PTPN14: variants seen among roughly 807,000 people sequenced by gnomAD.
PTPN14 encodes protein tyrosine phosphatase non-receptor type 14.
In PTPN14, 53 loss-of-function variants were observed where a neutral mutation model predicts 126.8. The observed-to-expected ratio is 0.42, with a 90% CI of 0.34 to 0.53. The LOEUF (loss-of-function observed/expected upper bound fraction) is 0.53. Among genes scored for constraint, PTPN14 ranks in the 20% least tolerant of loss-of-function variants. The pLI is 0.08. For synonymous variants in PTPN14, 630 were observed against 599.3 expected, an observed-to-expected ratio of 1.05 and a Z score of -0.75; for missense variants, 1,257 against 1,552.9, an observed-to-expected ratio of 0.81 and a Z score of 3.20.
At chr1:214,444,125 TG>T (rs1038956981) in intron 3 of PTPN14, among the ~76,000 whole-genome samples, 1 of 152,238 alleles carries the variant, frequency 6.6e-6, no homozygotes, top group Non-Finnish European at 1.5e-5. Flanking sequence ...TATCTCATTT[TG>T]GGAAGGTAAT....
chr1:214,392,845 G>C (rs1436120097), intron 10 of PTPN14, among the ~76,000 whole-genome samples: 1 of 152,172 alleles, frequency 6.6e-6, no homozygotes, highest in African/African-American at 2.4e-5. Context: ...CAGCTATAAA[G>C]CAGCCGCGTT....
At position 214,383,294 on chromosome 1, in the gene PTPN14, G is replaced by A. The variant is rs1658515201; in HGVS notation, c.2544+17C>T. 6.3e-7 allele frequency: 1 copy of A among 1,598,292 alleles called. No individual in the cohort carries two copies. Among genetic ancestry groups the A allele is most frequent in the African/African-American group, 1.3e-5 (1 of 74,724 alleles). ...GCTTTCACACTGGAAAATGCCCTGG[G>A]AGAGGAGGACACTCACCCTGATCAT... On this transcript the variant is annotated intron_variant, in intron 13 of 18. Transcript: ENST00000366956. The surrounding 1 kb of genome is among the most constrained non-coding windows in gnomAD (Gnocchi z 4.4).
chr1:214,494,848 A>C (rs766301418), intron 1 of PTPN14, among the ~76,000 whole-genome samples: 80 of 152,240 alleles, frequency 5.3e-4, no homozygotes, highest in African/African-American at 1.8e-3. Flanking sequence ...AGACCAAAGT[A>C]TAATTAGAAA....
chr1:214,443,977 G>C (rs1464467713), intron 3 of PTPN14, among the ~76,000 whole-genome samples: 2 of 152,186 alleles, frequency 1.3e-5, no homozygotes, highest in Non-Finnish European at 2.9e-5. Context: ...ACAGCTCTGT[G>C]GTGGGAGTGA....
chr1:214,449,206 C>A (rs1660217197), intron 3 of PTPN14, among the ~76,000 whole-genome samples: 1 of 151,394 alleles, frequency 6.6e-6, no homozygotes, highest in Non-Finnish European at 1.5e-5. Context: ...CGGGGTTTCA[C>A]GGTGTTAGCC....
chr1:214,382,373 G>A (rs1314782168), intron 13 of PTPN14, among the ~76,000 whole-genome samples: 3 of 152,172 alleles, frequency 2.0e-5, no homozygotes, highest in African/African-American at 7.2e-5. Flanking sequence ...CCAGGCTGGA[G>A]TGCAGTGGCA....
chr1:214,474,074 T>G (rs1169622377), intron 1 of PTPN14, among the ~76,000 whole-genome samples: 2 of 152,210 alleles, frequency 1.3e-5, no homozygotes, highest in African/African-American at 2.4e-5. Flanking sequence ...CTAAAACACA[T>G]TTTCCATCTC....
Position 214,353,262 on chromosome 1 carries a change from A to G in PTPN14, c.*4660T>C, listed in dbSNP as rs1657740538. ...CACAGTATTTGCATATAACCTATGC[A>G]CATCTCTTGCATACTTTAAATCATC... is the stretch of plus-strand genomic sequence containing the variant. On this transcript the variant is annotated 3_prime_UTR_variant, in exon 19 of 19. Coordinates refer to ENST00000366956, the MANE Select transcript of PTPN14 (RefSeq NM_005401.5). 1 of 152,256 alleles carries G rather than the reference A, an allele frequency of 6.6e-6. No homozygotes were observed. Among genetic ancestry groups the G allele is most frequent in the Admixed American group, 6.5e-5 (1 of 15,288 alleles). 9.4% of individuals were successfully genotyped at this position (152,256 alleles called of 1,614,324 possible). A position where few individuals can be genotyped will look rare whatever the true frequency, so the allele number is the denominator to read the frequency against.
rs775269348 is a variant in PTPN14, at chr1:214,532,561, G to A, written c.-155+18622C>T. 2.4e-4 allele frequency: 260 copies of A among 1,072,174 alleles called. 1 individual carries two copies. The highest frequency in any genetic ancestry group is 1.3e-3 in the Middle Eastern group (6 of 4,654). 66.4% of individuals were successfully genotyped at this position (1,072,174 alleles called of 1,614,324 possible). On this transcript the variant is annotated intron_variant, in intron 1 of 18. Coordinates refer to ENST00000366956, the MANE Select transcript of PTPN14 (RefSeq NM_005401.5). ...AAGGGACCCCAGGTCAGAGACTGGG[G>A]GCCATTACTTCAAGATCATCGAGGA...
chr1:214,517,160 C>T (rs12565246), intron 1 of PTPN14, among the ~76,000 whole-genome samples: 54,362 of 152,036 alleles, frequency 0.36, 13,643 homozygotes, highest in African/African-American at 0.7. Flanking sequence ...TACAGGGCAA[C>T]TGCCAGCCCT....
At chr1:214,440,445 T>C (rs1354775030) in intron 3 of PTPN14, among the ~76,000 whole-genome samples, 10 of 152,368 alleles carry the variant, frequency 6.6e-5, no homozygotes, top group Admixed American at 6.5e-4. Flanking sequence ...ATGAGACAGA[T>C]ATTGTGAGCA....
rs961955729 is a variant in PTPN14, at chr1:214,356,623, T to A, written c.*1299A>T. On this transcript the variant is annotated 3_prime_UTR_variant, in exon 19 of 19. Transcript: ENST00000366956. ...GAAGATAACTGACCAGCGAGTGGAT[T>A]TTATGAAGAAAAGGAAAGAAGCACA... is the stretch of plus-strand genomic sequence containing the variant. 7.2e-5 allele frequency: 11 copies of A among 152,178 alleles called. No individual in the cohort carries two copies. Among genetic ancestry groups the A allele is most frequent in the Non-Finnish European group, 1.5e-5 (1 of 68,040 alleles). The allele number at this position is 152,178 out of a possible 1,614,324, so 9.4% of individuals were successfully genotyped here. A position where few individuals can be genotyped will look rare whatever the true frequency, so the allele number is the denominator to read the frequency against.
chr1:214,528,179 A>C (rs1355333787), intron 1 of PTPN14: 1 of 152,262 alleles, frequency 6.6e-6, no homozygotes, highest in East Asian at 1.9e-4. Context: ...AACGAAGAAC[A>C]TAAAAATGTA....
At chr1:214,361,675 GTAATTAGCT>G (rs1460070739) in intron 18 of PTPN14, among the ~76,000 whole-genome samples, 1 of 152,228 alleles carries the variant, frequency 6.6e-6, no homozygotes. Flanking sequence ...CTGACCTTTT[GTAATTAGCT>G]GTAGCTGGAA....
intron 17 of PTPN14, among the ~76,000 whole-genome samples, chr1:214,366,107 GGCGGAGGTT>G (rs1453210796): frequency 6.6e-6 from 1 of 152,166 alleles, no homozygotes; most frequent in Non-Finnish European, 1.5e-5. Flanking sequence ...AAAAACTGGA[GGCGGAGGTT>G]GCAGTGAGCC....
chr1:214,528,504 CTA>C (rs1256589177), intron 1 of PTPN14: 1 of 152,090 alleles, frequency 6.6e-6, no homozygotes, highest in East Asian at 1.9e-4. Flanking sequence ...CTCTATGTGA[CTA>C]TTATTCTAAA....
At chr1:214,425,847 C>G (rs1454096936) in intron 3 of PTPN14, among the ~76,000 whole-genome samples, 1 of 152,016 alleles carries the variant, frequency 6.6e-6, no homozygotes, top group Non-Finnish European at 1.5e-5. Context: ...TATTTCCTGT[C>G]ATTTAATATT....
chr1:214,447,957 C>G (rs1391579306), intron 3 of PTPN14, among the ~76,000 whole-genome samples: 1 of 152,148 alleles, frequency 6.6e-6, no homozygotes, highest in Admixed American at 6.6e-5. Flanking sequence ...ATAAACCAGG[C>G]TAATTAAGCA....
chr1:214,520,010 T>G (rs111626971), intron 1 of PTPN14, among the ~76,000 whole-genome samples: 7 of 134,704 alleles, frequency 5.2e-5, no homozygotes, highest in Non-Finnish European at 1.1e-4. Context: ...ATCATGCCAC[T>G]GCACTCCAGC....
Sources: allele counts gnomAD v4.1 joint callset (sites outside exome capture counted in the v4.1 genomes callset), GRCh38; gene constraint gnomAD v4.1.1; non-coding constraint Gnocchi (gnomAD v3.1); transcripts MANE v1.5; gene names NCBI Gene and HGNC (gene_info 2026-07-23, HGNC 2026-07-21).